SRBD1: variants seen among roughly 807,000 people sequenced by gnomAD.
SRBD1 encodes S1 RNA-binding domain-containing protein 1.
Under a neutral mutation model 115.3 loss-of-function variants are expected in SRBD1, and 88 were observed. The ratio of observed to expected loss-of-function variants is 0.76; its 90% CI spans 0.64 to 0.91. The LOEUF (loss-of-function observed/expected upper bound fraction) is 0.91, where lower values mean the gene tolerates loss of function less well. SRBD1 is among the 40% of genes least tolerant of loss of function. The probability of loss-of-function intolerance (pLI) is 0.00; values close to 1 mark genes in which losing one functional copy is unlikely to be tolerated. For synonymous variants in SRBD1, 509 were observed against 407.7 expected (o/e 1.25, Z -2.99); for missense variants, 1,385 against 1,177.4 (o/e 1.18, Z -2.58).
intron 7 of SRBD1, among the ~76,000 whole-genome samples, chr2:45,576,850 T>C (rs1013486039): frequency 3.9e-5 from 6 of 152,198 alleles, no homozygotes; most frequent in South Asian, 2.1e-4. Flanking sequence ...GAAGAAATTA[T>C]AGACTTTGCA....
chr2:45,404,604 G>C (rs540305646), intron 19 of SRBD1, among the ~76,000 whole-genome samples: 1 of 152,178 alleles, frequency 6.6e-6, no homozygotes, highest in South Asian at 2.1e-4. Flanking sequence ...TTCTCACCAT[G>C]TCTTCTGCTG....
chr2:45,432,112 C>T (rs552608003), intron 16 of SRBD1, among the ~76,000 whole-genome samples: 81 of 152,136 alleles, frequency 5.3e-4, no homozygotes, highest in African/African-American at 1.9e-3. Context: ...TCACAACAAC[C>T]TCCGCCTCCC....
Position 45,389,309 on chromosome 2 carries a change from C to A in SRBD1, c.*1G>T. ...ATCAGCGTCTGGCCTTCGTGGGATA[C>A]TCATAACACCCGAATGAGGTCCAGA... is the stretch of plus-strand genomic sequence containing the variant. On this transcript the variant is annotated 3_prime_UTR_variant, in exon 21 of 21. Transcript: ENST00000263736. The A allele has an allele frequency of 6.2e-7, 1 of 1,611,616 alleles. No homozygotes were observed. Among genetic ancestry groups the A allele is most frequent in the South Asian group, 1.1e-5 (1 of 90,974 alleles).
Position 45,393,011 on chromosome 2 carries a change from T to C in SRBD1, c.2632A>G (p.Thr878Ala), listed in dbSNP as rs755911984. The change falls in exon 20 of 21, where the codon ACA becomes GCA. Residue 878 changes from threonine (T) to alanine (A), a missense_variant. Thr to Ala is a moderately conservative substitution (Grantham distance 58). Transcript: ENST00000263736. ...ATGATGACCTGTAAGGTGTGTACTG[T>C]TGTTTGCAATCTTTCTGCAATTTTC... ...MEKIAERLQT[T>A]VHTLQVIIDG... is the part of the protein sequence containing the mutation. 3.1e-6 allele frequency: 5 copies of C among 1,614,094 alleles called. No homozygotes were observed. The highest frequency in any genetic ancestry group is 4.2e-6 in the Non-Finnish European group (5 of 1,179,948).
intron 14 of SRBD1, among the ~76,000 whole-genome samples, chr2:45,537,488 T>C (rs997258467): frequency 6.6e-6 from 1 of 152,164 alleles, no homozygotes; most frequent in African/African-American, 2.4e-5. Flanking sequence ...AACATAGTCT[T>C]GGTTCTGAGG....
At chr2:45,401,899 G>C (rs1254142398) in intron 19 of SRBD1, among the ~76,000 whole-genome samples, 1 of 152,166 alleles carries the variant, frequency 6.6e-6, no homozygotes, top group Non-Finnish European at 1.5e-5. Context: ...TTATTAGTTA[G>C]AAGACTTCTT....
chr2:45,587,480 G>C (rs1572812218), intron 4 of SRBD1, among the ~76,000 whole-genome samples: 1 of 152,022 alleles, frequency 6.6e-6, no homozygotes, highest in Non-Finnish European at 1.5e-5. Context: ...AAGAACAAAA[G>C]GAGTACGTTT....
intron 16 of SRBD1, among the ~76,000 whole-genome samples, chr2:45,450,507 A>AT (rs1668961560): frequency 6.6e-6 from 1 of 152,160 alleles, no homozygotes. Context: ...ATATTTTTAA[A>AT]TTTTCTGTGC....
At chr2:45,560,781 G>C (rs1304716027) in intron 10 of SRBD1, among the ~76,000 whole-genome samples, 1 of 151,484 alleles carries the variant, frequency 6.6e-6, no homozygotes, top group African/African-American at 2.4e-5. Flanking sequence ...GAATTTATTT[G>C]CTTATTTATA....
chr2:45,599,452 T>C lies in SRBD1; in HGVS notation c.645A>G (p.Val215=). The stretch of plus-strand genomic sequence containing the variant: ...GACAGAAAAAGGCTGCACATACCTG[T>C]ACCATGTCCCAATTCATTTCCACCT... ...KEEVEMNWDM[V]QVLSERTNIE... The change falls in exon 4 of 21, where the codon GTA becomes GTG. Residue 215 remains valine (V), a synonymous_variant. Coordinates refer to ENST00000263736, the MANE Select transcript of SRBD1 (RefSeq NM_018079.5). 1 of 1,612,872 alleles carries C rather than the reference T, an allele frequency of 6.2e-7. No individual in the cohort carries two copies. The highest frequency in any genetic ancestry group is 8.5e-7 in the Non-Finnish European group (1 of 1,179,248).
intron 16 of SRBD1, among the ~76,000 whole-genome samples, chr2:45,476,093 A>G (rs1669795805): frequency 1.3e-5 from 2 of 152,244 alleles, no homozygotes; most frequent in Admixed American, 6.5e-5. Flanking sequence ...GTCCAGTTAA[A>G]GGTCTGAATG....
intron 16 of SRBD1, among the ~76,000 whole-genome samples, chr2:45,450,358 G>A: frequency 6.6e-6 from 1 of 152,072 alleles, no homozygotes; most frequent in South Asian, 2.1e-4. Flanking sequence ...AGGTATAATT[G>A]AGTAAATGAA....
chr2:45,511,404 T>C (rs10490346), intron 14 of SRBD1, among the ~76,000 whole-genome samples: 10,372 of 152,230 alleles, frequency 0.068, 559 homozygotes, highest in African/African-American at 0.15. Flanking sequence ...TTATAATTTA[T>C]CCACAGAAGT....
intron 14 of SRBD1, among the ~76,000 whole-genome samples, chr2:45,526,984 G>A (rs538722326): frequency 1.3e-5 from 2 of 151,998 alleles, no homozygotes; most frequent in South Asian, 2.1e-4. Flanking sequence ...AGCTGAGTGC[G>A]ATCTGGGAAC....
chr2:45,600,652 G>C (rs1674063854), intron 3 of SRBD1, among the ~76,000 whole-genome samples: 1 of 152,142 alleles, frequency 6.6e-6, no homozygotes, highest in South Asian at 2.1e-4. Context: ...ACTCTGCACT[G>C]CCACTGCCCC....
At chr2:45,435,585 A>AC (rs113937083) in intron 16 of SRBD1, among the ~76,000 whole-genome samples, 2,164 of 134,902 alleles carry the variant, frequency 0.016, 40 homozygotes, top group African/African-American at 0.046. Context: ...AAAAAAAAAA[A>AC]CAGCTGCCTG....
rs577304008 is a variant in SRBD1 at position 45,514,041 on chromosome 2, T to G, written c.1875-25710A>C. ...GTTTTCAGTTCAGTTTCCTCACCTA[T>G]CAACTGTGAACAACACTTACAACCA... On this transcript the variant is annotated intron_variant, in intron 14 of 20. Coordinates refer to ENST00000263736, the MANE Select transcript of SRBD1 (RefSeq NM_018079.5). Among the ~76,000 whole-genome samples, 90 of 152,162 alleles carry G rather than the reference T, an allele frequency of 5.9e-4. 1 individual carries two copies. The South Asian group carries it at 0.018, about 31-fold the overall frequency.
intron 19 of SRBD1, among the ~76,000 whole-genome samples, chr2:45,398,883 C>T (rs1013183036): frequency 6.6e-6 from 1 of 152,034 alleles, no homozygotes; most frequent in Admixed American, 6.6e-5. Flanking sequence ...AACAACTGTA[C>T]GTATACCTCT....
chr2:45,560,027 G>A (rs946074681), intron 10 of SRBD1, among the ~76,000 whole-genome samples: 1 of 152,048 alleles, frequency 6.6e-6, no homozygotes, highest in African/African-American at 2.4e-5. Flanking sequence ...GCTGCAGTGA[G>A]CCAAGATCAT....
Sources: allele counts gnomAD v4.1 joint callset (sites outside exome capture counted in the v4.1 genomes callset), GRCh38; gene constraint gnomAD v4.1.1; transcripts MANE v1.5; gene names NCBI Gene and HGNC (gene_info 2026-07-23, HGNC 2026-07-21).